KCNB2: variants seen among roughly 807,000 people sequenced by gnomAD.
KCNB2 encodes potassium voltage-gated channel subfamily B member 2, also known as delayed rectifier potassium channel protein.
In KCNB2, 15 loss-of-function variants were observed where a neutral mutation model predicts 61.5. That is an observed-to-expected ratio of 0.24 (90% CI 0.16 to 0.38). The LOEUF is 0.38. Among genes scored for constraint, KCNB2 ranks in the 10% least tolerant of loss-of-function variants. KCNB2 has a pLI of 1.00. For missense variants in KCNB2, 828 were observed against 1,125.2 expected (o/e 0.74, Z 3.78); for synonymous variants, 457 against 446.0 (o/e 1.02, Z -0.31).
intron 2 of KCNB2, among the ~76,000 whole-genome samples, chr8:72,584,390 C>A (rs572916400): frequency 8.0e-4 from 121 of 152,188 alleles, no homozygotes; most frequent in African/African-American, 2.7e-3. Context: ...CTCCTAATGG[C>A]CTTTTCTCAC....
At chr8:72,683,774 T>A (rs2128989348) in intron 2 of KCNB2, among the ~76,000 whole-genome samples, 1 of 152,040 alleles carries the variant, frequency 6.6e-6, no homozygotes, top group East Asian at 1.9e-4. Context: ...TGTCTTACAG[T>A]GTGAGATACA....
intron 2 of KCNB2, among the ~76,000 whole-genome samples, chr8:72,774,564 G>C (rs1808615150): frequency 6.6e-6 from 1 of 152,062 alleles, no homozygotes; most frequent in Admixed American, 6.6e-5. Flanking sequence ...TGGCCAGACT[G>C]GTCTCAACCT....
chr8:72,756,685 T>G (rs1391726688), intron 2 of KCNB2, among the ~76,000 whole-genome samples: 1 of 152,198 alleles, frequency 6.6e-6, no homozygotes, highest in African/African-American at 2.4e-5. Context: ...CTATAGCCTC[T>G]GACCCTTCTT....
chr8:72,737,522 TG>T (rs1807867527), intron 2 of KCNB2, among the ~76,000 whole-genome samples: 1 of 152,236 alleles, frequency 6.6e-6, no homozygotes, highest in Admixed American at 6.5e-5. Flanking sequence ...CCTTCTGTGA[TG>T]TTTTCTAGTA....
At chr8:72,569,656 G>A (rs893069664) in intron 2 of KCNB2, among the ~76,000 whole-genome samples, 4 of 152,030 alleles carry the variant, frequency 2.6e-5, no homozygotes, top group African/African-American at 9.7e-5. Context: ...TGCCGCATTT[G>A]TGGGTTTTGA....
intron 2 of KCNB2, among the ~76,000 whole-genome samples, chr8:72,861,640 C>T (rs765853338): frequency 6.6e-6 from 1 of 152,156 alleles, no homozygotes; most frequent in Non-Finnish European, 1.5e-5. Flanking sequence ...ACCCAGCCTG[C>T]CTGCAGCAGG....
intron 2 of KCNB2, among the ~76,000 whole-genome samples, chr8:72,612,677 C>T (rs751189784): frequency 6.6e-6 from 1 of 152,128 alleles, no homozygotes; most frequent in South Asian, 2.1e-4. Context: ...ACAAGATGAA[C>T]AGAAACAGTT....
At chr8:72,816,875 T>C (rs1809404196) in intron 2 of KCNB2, among the ~76,000 whole-genome samples, 1 of 152,200 alleles carries the variant, frequency 6.6e-6, no homozygotes, top group Admixed American at 6.5e-5. Context: ...CCTCCAGATG[T>C]GGAACTTCCA....
At chr8:72,692,401 C>A (rs1806954147) in intron 2 of KCNB2, among the ~76,000 whole-genome samples, 1 of 152,042 alleles carries the variant, frequency 6.6e-6, no homozygotes, top group Admixed American at 6.5e-5. Context: ...AGAAACACTG[C>A]CCCATTCCAG....
chr8:72,762,511 G>T (rs1429071410), intron 2 of KCNB2, among the ~76,000 whole-genome samples: 1 of 152,022 alleles, frequency 6.6e-6, no homozygotes, highest in East Asian at 1.9e-4. Flanking sequence ...TGTACTGCTT[G>T]GCACAGTTTA....
intron 2 of KCNB2, among the ~76,000 whole-genome samples, chr8:72,874,327 G>A (rs770377819): frequency 3.9e-5 from 6 of 152,096 alleles, no homozygotes; most frequent in South Asian, 2.1e-4. Context: ...GAGGGCTGCC[G>A]GCTTTATTTT....
At chr8:72,719,287 C>G (rs1807505681) in intron 2 of KCNB2, among the ~76,000 whole-genome samples, 1 of 152,152 alleles carries the variant, frequency 6.6e-6, no homozygotes, top group Non-Finnish European at 1.5e-5. Context: ...TAAATCCTGA[C>G]TTTTCCATGT....
At chr8:72,551,621 AAAG>A (rs1270870437) in intron 1 of KCNB2, among the ~76,000 whole-genome samples, 3 of 152,150 alleles carry the variant, frequency 2.0e-5, no homozygotes, top group Admixed American at 6.5e-5. Flanking sequence ...TCACTTGCTC[AAAG>A]AAGTCTTCTT....
intron 2 of KCNB2, among the ~76,000 whole-genome samples, chr8:72,615,480 C>T (rs1017549234): frequency 5.3e-5 from 8 of 152,136 alleles, no homozygotes; most frequent in African/African-American, 1.9e-4. Context: ...CAAGGTTTTG[C>T]CCCATAAATT....
At chr8:72,917,949 G>C (rs1005775464) in intron 2 of KCNB2, among the ~76,000 whole-genome samples, 9 of 152,164 alleles carry the variant, frequency 5.9e-5, no homozygotes, top group Non-Finnish European at 1.2e-4. Context: ...AGGTGTGAAA[G>C]GTGTAGAGAG....
intron 2 of KCNB2, among the ~76,000 whole-genome samples, chr8:72,908,306 A>G (rs1393970531): frequency 2.0e-5 from 3 of 152,188 alleles, no homozygotes; most frequent in East Asian, 3.8e-4. Flanking sequence ...TGTTTATTGC[A>G]TAGAACCTCA....
intron 2 of KCNB2, among the ~76,000 whole-genome samples, chr8:72,608,788 C>T (rs536820567): frequency 6.6e-6 from 1 of 152,256 alleles, no homozygotes; most frequent in South Asian, 2.1e-4. Context: ...CCACTGGGCA[C>T]ATGAATTAAC....
chr8:72,586,445 G>A (rs1031987470), intron 2 of KCNB2, among the ~76,000 whole-genome samples: 2 of 152,132 alleles, frequency 1.3e-5, no homozygotes, highest in African/African-American at 4.8e-5. Context: ...TGTGTTCAAC[G>A]TTTTGTAATT....
chr8:72,625,295 G>C (rs1805772216), intron 2 of KCNB2, among the ~76,000 whole-genome samples: 1 of 152,200 alleles, frequency 6.6e-6, no homozygotes, highest in Admixed American at 6.5e-5. Context: ...TCCCTGTTCT[G>C]AGGAGCTTGT....
Sources: gnomAD v4.1 joint callset for allele counts (sites outside exome capture counted in the v4.1 genomes callset) on GRCh38, gnomAD v4.1.1 for gene constraint, MANE v1.5 for transcripts, NCBI Gene and HGNC (gene_info 2026-07-23, HGNC 2026-07-21) for gene names.